Variants in RC3H1 observed in about 807,000 individuals in gnomAD.
The protein encoded by RC3H1 is ring finger and CCCH-type domains 1, also known as roquin-1.
RC3H1 carries 50 observed loss-of-function variants against 138.2 expected under a neutral mutation model. The ratio of observed to expected loss-of-function variants is 0.36; its 90% CI spans 0.29 to 0.46. The LOEUF is 0.46. RC3H1 is among the 20% of genes least tolerant of loss of function. The pLI is 1.00. For missense variants in RC3H1, 1,031 were observed against 1,388.1 expected, an observed-to-expected ratio of 0.74 and a Z score of 4.09; for synonymous variants, 462 against 489.1, an observed-to-expected ratio of 0.94 and a Z score of 0.73.
intron 1 of RC3H1, among the ~76,000 whole-genome samples, chr1:174,008,976 G>GAAAA (rs59047478): frequency 1.2e-5 from 1 of 84,216 alleles, no homozygotes; most frequent in African/African-American, 3.8e-5. Flanking sequence ...GACTTTGTCT[G>GAAAA]AAAAAAAAAA....
At position 173,999,273 on chromosome 1, in the gene RC3H1, G is replaced by T. The variant is rs138413287; in HGVS notation, c.-150-6138C>A. Among the ~76,000 whole-genome samples, 6 of 151,558 alleles carry T rather than the reference G, an allele frequency of 4.0e-5. No individual in the cohort carries two copies. In the East Asian group the frequency reaches 1.2e-3, roughly 29 times the overall value. On this transcript the variant is annotated intron_variant, in intron 1 of 19. Coordinates refer to ENST00000367696, the MANE Select transcript of RC3H1 (RefSeq NM_172071.4). ...CACATGCCTGTAATCCCAGCTACTCGCGAGGCCAAGGCAGGAGAATCACTT... is the reference window on the plus strand; with the variant it reads ...CACATGCCTGTAATCCCAGCTACTCTCGAGGCCAAGGCAGGAGAATCACTT...
intron 12 of RC3H1, among the ~76,000 whole-genome samples, 153 bp downstream of exon 12, chr1:173,961,572 A>T (rs1659876251): frequency 6.6e-6 from 1 of 152,088 alleles, no homozygotes; most frequent in Non-Finnish European, 1.5e-5. Flanking sequence ...TTAAAAAAAA[A>T]AAATACCCAA....
chr1:173,955,327 T>G (rs182856848), intron 13 of RC3H1, among the ~76,000 whole-genome samples: 29 of 149,712 alleles, frequency 1.9e-4, no homozygotes, highest in Admixed American at 9.3e-4. Flanking sequence ...GGCTTTTTTT[T>G]TTTTTTTTGA....
In RC3H1 at chr1:173,941,381, C is replaced by T. The variant is rs1557916956; in HGVS notation, c.3136-1G>A. 6.3e-7 allele frequency: 1 copy of T among 1,590,428 alleles called. No homozygotes were observed. The highest frequency in any genetic ancestry group is 8.6e-7 in the Non-Finnish European group (1 of 1,159,170). ...TCATGTCCAGAGAACACTGGTTTTCCTTTGAAAGAGAAGGAAATAAAATCA... is the reference window on the plus strand; with the variant it reads ...TCATGTCCAGAGAACACTGGTTTTCTTTTGAAAGAGAAGGAAATAAAATCA... On this transcript the variant is annotated splice_acceptor_variant, in intron 18 of 19. Coordinates refer to ENST00000367696, the MANE Select transcript of RC3H1 (RefSeq NM_172071.4). LOFTEE classifies it high-confidence loss of function.
In RC3H1 at chr1:174,005,930, G is replaced by A. The variant is rs918857725; in HGVS notation, c.-150-12795C>T. ...CAATCTGAAGACCATTCCTGGCCGG[G>A]CGCGGTGGCTCATGCCTGTAATCCC... On this transcript the variant is annotated intron_variant, in intron 1 of 19. Coordinates refer to ENST00000367696, the MANE Select transcript of RC3H1 (RefSeq NM_172071.4). Among the ~76,000 whole-genome samples, 8 of 152,242 alleles carry A rather than the reference G, an allele frequency of 5.3e-5. No individual in the cohort carries two copies. In the South Asian group the frequency reaches 1.7e-3, roughly 32 times the overall value.
At position 173,934,857 on chromosome 1, in the gene RC3H1, T is replaced by G. The variant is rs1263144600; in HGVS notation, c.*3864A>C. On this transcript the variant is annotated 3_prime_UTR_variant, in exon 20 of 20. Coordinates refer to ENST00000367696, the MANE Select transcript of RC3H1 (RefSeq NM_172071.4). Reference sequence around the variant, plus strand: ...GACATATATGGAAAAATGTAAACTTTGAGCTCCATCCCTGAAGAACTCTGG... The same window carrying G: ...GACATATATGGAAAAATGTAAACTTGGAGCTCCATCCCTGAAGAACTCTGG... The G allele has an allele frequency of 6.6e-6, 1 of 152,162 alleles. No homozygotes were observed. The highest frequency in any genetic ancestry group is 1.5e-5 in the Non-Finnish European group (1 of 68,032). 9.4% of individuals were successfully genotyped at this position (152,162 alleles called of 1,614,324 possible).
At chr1:173,961,310 C>G (rs548271300) in intron 12 of RC3H1, 66 bp from the exon 13 acceptor site, 5 of 1,404,076 alleles carry the variant, frequency 3.6e-6, no homozygotes, top group Non-Finnish European at 4.9e-6. Context: ...ATTTAATATA[C>G]TCAGCGTATA....
chr1:173,978,710 T>C, intron 6 of RC3H1, 90 bp from the exon 7 acceptor site: 2 of 1,343,368 alleles, frequency 1.5e-6, no homozygotes, highest in Non-Finnish European at 2.0e-6. Flanking sequence ...TTGCGATTTA[T>C]TAAATTTAAT....
At chr1:173,956,486 C>A (rs933367716) in intron 13 of RC3H1, among the ~76,000 whole-genome samples, 1 of 151,452 alleles carries the variant, frequency 6.6e-6, no homozygotes, top group Admixed American at 6.6e-5. Flanking sequence ...ATGGAGAAAC[C>A]CCATCTCTAC....
chr1:174,015,163 T>C (rs552257251), intron 1 of RC3H1, among the ~76,000 whole-genome samples: 23 of 152,232 alleles, frequency 1.5e-4, no homozygotes, highest in African/African-American at 4.8e-4. Flanking sequence ...TCAAATTCCT[T>C]GAATTATGTA....
At chr1:173,983,736 C>T (rs1660913481) in intron 3 of RC3H1, 79 bp from the exon 4 acceptor site, 9 of 1,485,016 alleles carry the variant, frequency 6.1e-6, no homozygotes, top group Middle Eastern at 1.8e-4. Context: ...GTTGGGTTAA[C>T]TTGTGGGTAT....
intron 11 of RC3H1, among the ~76,000 whole-genome samples, chr1:173,962,866 T>C (rs1659941149): frequency 6.6e-6 from 1 of 152,230 alleles, no homozygotes; most frequent in African/African-American, 2.4e-5. Flanking sequence ...TCACGTTTTA[T>C]CATATTTTGC....
In RC3H1 at chr1:173,946,538, G is replaced by A. The variant is rs750769778; in HGVS notation, c.2899C>T (p.Arg967Ter). The A allele has an allele frequency of 2.5e-6, 4 of 1,613,868 alleles. No individual in the cohort carries two copies. Among genetic ancestry groups the A allele is most frequent in the Middle Eastern group, 1.6e-4 (1 of 6,084 alleles). The change falls in exon 17 of 20, where the codon CGA (arginine) becomes TGA (stop). Residue 967 changes from arginine to a stop codon, truncating the protein, a stop_gained. Coordinates refer to ENST00000367696, the MANE Select transcript of RC3H1 (RefSeq NM_172071.4). LOFTEE classifies it high-confidence loss of function. ...TGGTTCAATTGCTGCAATTCTAGTC[G>A]TAGCTGTTCTCTCTCAGCAGATGGA... ...PLPSAEREQL[R>*]LELQQLNHQI...
chr1:173,976,474 T>C (rs1660590348), intron 7 of RC3H1, among the ~76,000 whole-genome samples: 1 of 150,094 alleles, frequency 6.7e-6, no homozygotes, highest in Non-Finnish European at 1.5e-5. Flanking sequence ...AAAAGTTAAA[T>C]GCTGCTAAAT....
intron 9 of RC3H1, among the ~76,000 whole-genome samples, chr1:173,966,485 G>T (rs1660124209): frequency 6.6e-6 from 1 of 152,124 alleles, no homozygotes; most frequent in African/African-American, 2.4e-5. Flanking sequence ...GGAGGCCGAG[G>T]CGGGCAGATC....
At chr1:173,950,454 G>A (rs12061013) in intron 14 of RC3H1, among the ~76,000 whole-genome samples, 5 of 128,570 alleles carry the variant, frequency 3.9e-5, no homozygotes, top group African/African-American at 1.5e-4. Context: ...GCTGAGCATA[G>A]TATCACACAT....
In RC3H1 at chr1:173,952,402, TAAAAAAAAAA is replaced by T. The variant is rs35197109; in HGVS notation, c.2371-274_2371-265del. On this transcript the variant is annotated intron_variant, in intron 13 of 19. Coordinates refer to ENST00000367696, the MANE Select transcript of RC3H1 (RefSeq NM_172071.4). ...TTTTTTTTTTTACCTTAGCAGAAGG[TAAAAAAAAAA>T]AAAAAAAAAAGGTATTTCAATATCC... Among the ~76,000 whole-genome samples the T allele has an allele frequency of 9.8e-3, 464 of 47,192 alleles. 9 individuals carry two copies. Among genetic ancestry groups the T allele is most frequent in the African/African-American group, 0.032 (397 of 12,358 alleles). 31.0% of individuals were successfully genotyped at this position (47,192 alleles called of 152,430 possible).
At chr1:173,957,634 G>A (rs922350293) in intron 13 of RC3H1, among the ~76,000 whole-genome samples, 24 of 151,978 alleles carry the variant, frequency 1.6e-4, no homozygotes, top group South Asian at 2.1e-4. Flanking sequence ...ACTATAGCAC[G>A]GACCTCCCAG....
chr1:173,970,276 A>T (rs143321750), intron 9 of RC3H1, among the ~76,000 whole-genome samples: 180 of 152,342 alleles, frequency 1.2e-3, no homozygotes, highest in African/African-American at 4.1e-3. Context: ...ACTGCTATCC[A>T]TCACAAGGTC....
Sources: gnomAD v4.1 joint callset for allele counts (sites outside exome capture counted in the v4.1 genomes callset) on GRCh38, gnomAD v4.1.1 for gene constraint, MANE v1.5 for transcripts, NCBI Gene and HGNC (gene_info 2026-07-23, HGNC 2026-07-21) for gene names.